Variants in CAST observed in about 807,000 individuals in gnomAD.
CAST encodes MIR583 host.
CAST carries 76 observed loss-of-function variants against 119.6 expected under a neutral mutation model. That is an observed-to-expected ratio of 0.64 (90% CI 0.53 to 0.77). The LOEUF is 0.77. Among genes scored for constraint, CAST ranks in the 30% least tolerant of loss-of-function variants. The probability of loss-of-function intolerance (pLI) is 0.00; values close to 1 mark genes in which losing one functional copy is unlikely to be tolerated. For missense variants in CAST, 953 were observed against 946.5 expected, an observed-to-expected ratio of 1.01 and a Z score of -0.09; for synonymous variants, 319 against 331.6, an observed-to-expected ratio of 0.96 and a Z score of 0.41.
At chr5:96,740,217 T>C in intron 12 of CAST, 99 bp downstream of exon 12, 1 of 643,566 alleles carries the variant, frequency 1.6e-6, no homozygotes, top group Non-Finnish European at 2.7e-6. Context: ...GAAAATATAA[T>C]GGTGCTTGTG....
the CAST span, among the ~76,000 whole-genome samples, chr5:96,407,682 T>G: frequency 6.6e-6 from 1 of 152,216 alleles, no homozygotes. Context: ...TTAAGGAAAT[T>G]TGTGTTTATA....
At chr5:96,734,922 G>A (rs1254993863) in intron 9 of CAST, among the ~76,000 whole-genome samples, 1 of 152,158 alleles carries the variant, frequency 6.6e-6, no homozygotes, top group Non-Finnish European at 1.5e-5. Flanking sequence ...AGGAAAGGGA[G>A]AGGAAGAGAA....
At chr5:96,721,181 G>A (rs889955322) in intron 3 of CAST, among the ~76,000 whole-genome samples, 1 of 152,092 alleles carries the variant, frequency 6.6e-6, no homozygotes, top group African/African-American at 2.4e-5. Context: ...AGTGACTGGG[G>A]CTTCTTGTAT....
chr5:96,638,910 C>T (rs570489844), intron 1 of CAST, among the ~76,000 whole-genome samples: 10 of 152,278 alleles, frequency 6.6e-5, no homozygotes, highest in African/African-American at 2.2e-4. Flanking sequence ...CTCTCTACCG[C>T]AGCACCTAAG....
chr5:96,182,172 T>G, the CAST span, among the ~76,000 whole-genome samples: 1 of 152,146 alleles, frequency 6.6e-6, no homozygotes, highest in Non-Finnish European at 1.5e-5. Flanking sequence ...ATGTACTCCA[T>G]GTTTTAGGTC....
chr5:96,477,021 G>A, the CAST span, among the ~76,000 whole-genome samples: 5 of 150,012 alleles, frequency 3.3e-5, no homozygotes, highest in Non-Finnish European at 7.4e-5. Flanking sequence ...TTCCTTCAGA[G>A]TTGTTGATCT....
At chr5:96,037,330 A>G in the CAST span, among the ~76,000 whole-genome samples, 1 of 152,128 alleles carries the variant, frequency 6.6e-6, no homozygotes, top group Admixed American at 6.6e-5. Context: ...ATTCTGTTCA[A>G]AAGTCTACTT....
the CAST span, among the ~76,000 whole-genome samples, chr5:96,203,652 T>C: frequency 2.9e-3 from 446 of 152,202 alleles, 2 homozygotes; most frequent in Non-Finnish European, 4.8e-3. Flanking sequence ...AAGAAAATGC[T>C]AAATTTCAGT....
intron 16 of CAST, among the ~76,000 whole-genome samples, chr5:96,745,084 T>G (rs1203664943): frequency 2.0e-5 from 3 of 152,172 alleles, no homozygotes; most frequent in East Asian, 3.8e-4. Flanking sequence ...GTCCACAGCC[T>G]GAGATTAGTG....
At chr5:96,141,258 A>G in the CAST span, among the ~76,000 whole-genome samples, 1 of 152,194 alleles carries the variant, frequency 6.6e-6, no homozygotes, top group African/African-American at 2.4e-5. Context: ...TTGATGTTAA[A>G]ATAAATCAGG....
chr5:96,521,643 T>C (rs377625778), upstream of CAST, among the ~76,000 whole-genome samples: 68 of 152,352 alleles, frequency 4.5e-4, no homozygotes, highest in Middle Eastern at 6.8e-3. Flanking sequence ...TCTCTCACTC[T>C]TTCTCTCTCC....
chr5:96,748,473 TAA>T (rs756005804), intron 18 of CAST, 43 bp from the exon 19 acceptor site: 2 of 945,824 alleles, frequency 2.1e-6, no homozygotes, highest in East Asian at 2.6e-5. Flanking sequence ...TTTTACAAAA[TAA>T]AAAAGAGTCC....
the CAST span, among the ~76,000 whole-genome samples, chr5:96,244,723 AAC>A: frequency 6.6e-6 from 1 of 152,176 alleles, no homozygotes; most frequent in African/African-American, 2.4e-5. Context: ...TTTCTACTAT[AAC>A]ACATTTTCAT....
rs374786919 is a variant in CAST at position 96,702,913 on chromosome 5, A to C, written c.210+7006A>C. The stretch of plus-strand genomic sequence containing the variant: ...GGACTGCGGGGTCCGGTGTCCACGC[A>C]GAGTGAGTACTGTCTTCCGCCGCTT... On this transcript the variant is annotated intron_variant, in intron 3 of 31. Transcript: ENST00000675179. 4 of 985,448 alleles carry C rather than the reference A, an allele frequency of 4.1e-6. No individual in the cohort carries two copies. The South Asian group carries it at 1.4e-4, about 35-fold the overall frequency. The allele number at this position is 985,448 out of a possible 1,614,324, so 61.0% of individuals were successfully genotyped here.
At chr5:96,288,370 T>C in the CAST span, among the ~76,000 whole-genome samples, 1 of 152,150 alleles carries the variant, frequency 6.6e-6, no homozygotes, top group African/African-American at 2.4e-5. Context: ...GGTACAGAAA[T>C]ACCGAAAAGA....
chr5:96,448,065 G>A, the CAST span, among the ~76,000 whole-genome samples: 1 of 152,044 alleles, frequency 6.6e-6, no homozygotes, highest in African/African-American at 2.4e-5. Context: ...GCAGAGATGA[G>A]GGACAAGAAT....
At chr5:96,479,450 C>CTTT in the CAST span, among the ~76,000 whole-genome samples, 1,123 of 115,266 alleles carry the variant, frequency 9.7e-3, 73 homozygotes, top group Admixed American at 0.086. Flanking sequence ...CCAGGCACTC[C>CTTT]TTATTTTTTT....
At chr5:96,421,867 C>A in the CAST span, 1 of 1,343,472 alleles carries the variant, frequency 7.4e-7, no homozygotes, top group Non-Finnish European at 1.1e-6. Context: ...CACACAAATG[C>A]ATATTTACTC....
At chr5:96,012,840 T>C in the CAST span, among the ~76,000 whole-genome samples, 1 of 152,192 alleles carries the variant, frequency 6.6e-6, no homozygotes, top group Non-Finnish European at 1.5e-5. Flanking sequence ...TTTTTTAGCA[T>C]AGGACTTAAG....
Sources: gnomAD v4.1 joint callset for allele counts (sites outside exome capture counted in the v4.1 genomes callset) on GRCh38, gnomAD v4.1.1 for gene constraint, MANE v1.5 for transcripts, NCBI Gene and HGNC (gene_info 2026-07-23, HGNC 2026-07-21) for gene names.